Variants in SNAP91 observed in about 807,000 individuals in gnomAD.
The protein encoded by SNAP91 is synaptosome associated protein 91, also known as clathrin coat assembly protein AP180.
A neutral mutation model predicts 100.3 loss-of-function variants in SNAP91; 27 were observed. The observed-to-expected ratio is 0.27, with a 90% CI of 0.20 to 0.37. The LOEUF is 0.37. Ranked by LOEUF, SNAP91 falls within the 10% of genes least tolerant of loss-of-function variation. SNAP91 has a pLI of 1.00. For missense variants in SNAP91, 986 were observed against 1,123.7 expected, an observed-to-expected ratio of 0.88 and a Z score of 1.75; for synonymous variants, 404 against 398.6, an observed-to-expected ratio of 1.01 and a Z score of -0.16.
intron 14 of SNAP91, among the ~76,000 whole-genome samples, chr6:83,602,414 C>A (rs899154239): frequency 1.3e-5 from 2 of 152,032 alleles, no homozygotes; most frequent in Non-Finnish European, 2.9e-5. Context: ...ATGAGACCAT[C>A]CAATTAGGCT....
chr6:83,642,271 T>C (rs1429192978), intron 7 of SNAP91, among the ~76,000 whole-genome samples: 3 of 152,192 alleles, frequency 2.0e-5, no homozygotes, highest in Non-Finnish European at 4.4e-5. Flanking sequence ...ACATGTGCCA[T>C]GTTGGTGTGC....
At chr6:83,665,329 C>T in intron 3 of SNAP91, 110 bp downstream of exon 3, 1 of 1,079,244 alleles carries the variant, frequency 9.3e-7, no homozygotes, top group Non-Finnish European at 1.3e-6. Context: ...TGTGTATTTC[C>T]TTTTCTTTTT....
intron 7 of SNAP91, among the ~76,000 whole-genome samples, chr6:83,647,361 G>A (rs1044017407): frequency 7.2e-5 from 11 of 152,124 alleles, no homozygotes. Flanking sequence ...AGTTGATGAA[G>A]TTCCCCATCT....
intron 8 of SNAP91, among the ~76,000 whole-genome samples, chr6:83,634,096 TATA>T (rs1419788475): frequency 6.6e-6 from 1 of 152,012 alleles, no homozygotes; most frequent in Non-Finnish European, 1.5e-5. Flanking sequence ...AAACTTATAG[TATA>T]ATAATAATAA....
intron 8 of SNAP91, among the ~76,000 whole-genome samples, chr6:83,638,396 C>T (rs1219364114): frequency 6.6e-6 from 1 of 152,018 alleles, no homozygotes; most frequent in Non-Finnish European, 1.5e-5. Flanking sequence ...CTTCTAATGA[C>T]TGAACTTTGG....
At chr6:83,653,988 G>A (rs921041688) in intron 7 of SNAP91, among the ~76,000 whole-genome samples, 6 of 152,034 alleles carry the variant, frequency 3.9e-5, no homozygotes, top group Non-Finnish European at 7.4e-5. Flanking sequence ...AGAGTGCTCT[G>A]GCATATTTCA....
chr6:83,627,603 T>C (rs537410207), intron 8 of SNAP91, among the ~76,000 whole-genome samples: 1 of 152,042 alleles, frequency 6.6e-6, no homozygotes, highest in Non-Finnish European at 1.5e-5. Context: ...TCCAGAAATT[T>C]ATCCATTTCC....
intron 22 of SNAP91, among the ~76,000 whole-genome samples, chr6:83,588,262 AC>A (rs1206226107): frequency 1.3e-5 from 2 of 152,254 alleles, no homozygotes; most frequent in Non-Finnish European, 2.9e-5. Flanking sequence ...ATACTGATTT[AC>A]ATTGAATATT....
At chr6:83,582,189 C>T in intron 23 of SNAP91, 33 bp downstream of exon 23, 1 of 1,609,482 alleles carries the variant, frequency 6.2e-7, no homozygotes, top group East Asian at 2.2e-5. Flanking sequence ...TACCAGGACA[C>T]ATGAAAAGAA....
intron 8 of SNAP91, among the ~76,000 whole-genome samples, chr6:83,633,211 T>A (rs1450349822): frequency 6.6e-6 from 1 of 152,238 alleles, no homozygotes; most frequent in Non-Finnish European, 1.5e-5. Context: ...TGGGGGGTTG[T>A]CTCACAGAGT....
chr6:83,662,576 G>GA (rs1436157061), intron 3 of SNAP91, among the ~76,000 whole-genome samples, 154 bp from the exon 4 acceptor site: 2 of 151,008 alleles, frequency 1.3e-5, no homozygotes, highest in African/African-American at 4.9e-5. Flanking sequence ...TCTCTGAGGG[G>GA]AAAAAAAGCT....
At chr6:83,602,729 T>C (rs2095346387) in intron 14 of SNAP91, among the ~76,000 whole-genome samples, 1 of 152,176 alleles carries the variant, frequency 6.6e-6, no homozygotes, top group Non-Finnish European at 1.5e-5. Context: ...TTTCTATTGC[T>C]ATGAAATGTT....
chr6:83,568,039 T>G (rs1239598477), intron 26 of SNAP91, among the ~76,000 whole-genome samples: 2 of 151,514 alleles, frequency 1.3e-5, no homozygotes, highest in Non-Finnish European at 2.9e-5. Flanking sequence ...TAAAGACACA[T>G]GCACACGTAT....
intron 2 of SNAP91, among the ~76,000 whole-genome samples, chr6:83,706,129 T>C (rs1377741964): frequency 6.6e-6 from 1 of 152,246 alleles, no homozygotes; most frequent in Non-Finnish European, 1.5e-5. Flanking sequence ...TTTATCTGAA[T>C]GATGTTTTAA....
At chr6:83,628,816 TG>T (rs2097086834) in intron 8 of SNAP91, among the ~76,000 whole-genome samples, 2 of 152,174 alleles carry the variant, frequency 1.3e-5, no homozygotes. Context: ...GTGGGTTGTC[TG>T]TTTACTCTGC....
intron 14 of SNAP91, 22 bp from the exon 15 acceptor site, chr6:83,601,621 C>A (rs2095237499): frequency 2.5e-6 from 4 of 1,611,944 alleles, no homozygotes; most frequent in African/African-American, 1.3e-5. Context: ...CATTACATGG[C>A]AGCATAAGAA....
At chr6:83,560,770 A>G (rs1786019323) in intron 27 of SNAP91, 94 bp downstream of exon 27, 3 of 1,125,780 alleles carry the variant, frequency 2.7e-6, no homozygotes, top group Non-Finnish European at 3.9e-6. Flanking sequence ...GTGTTTTGGG[A>G]AAAATTATAT....
chr6:83,553,637 C>T lies in SNAP91; in HGVS notation c.*659G>A, dbSNP rs151309985. The T allele has an allele frequency of 3.4e-4, 51 of 152,082 alleles. No homozygotes were observed. The highest frequency in any genetic ancestry group is 1.7e-3 in the Admixed American group (26 of 15,284). The allele number at this position is 152,082 out of a possible 1,614,324, so 9.4% of individuals were successfully genotyped here. ...TGATAAATAGGGGATTCTTCCCATA[C>T]GATTTTTCGTTCTTGATAAGGTAGC... On this transcript the variant is annotated 3_prime_UTR_variant, in exon 30 of 30. Coordinates refer to ENST00000369694, the MANE Select transcript of SNAP91 (RefSeq NM_001242792.2).
intron 8 of SNAP91, among the ~76,000 whole-genome samples, chr6:83,630,595 T>C (rs564849139): frequency 6.6e-6 from 1 of 152,240 alleles, no homozygotes; most frequent in South Asian, 2.1e-4. Flanking sequence ...CAGAAATTAA[T>C]CCAACTCTTC....
Sources: gnomAD v4.1 joint callset for allele counts (sites outside exome capture counted in the v4.1 genomes callset) on GRCh38, gnomAD v4.1.1 for gene constraint, MANE v1.5 for transcripts, NCBI Gene and HGNC (gene_info 2026-07-23, HGNC 2026-07-21) for gene names.